Variants in VPS13C observed in about 807,000 individuals in gnomAD.
VPS13C encodes intermembrane lipid transfer protein VPS13C.
Under a neutral mutation model 456.8 loss-of-function variants are expected in VPS13C, and 358 were observed. The ratio of observed to expected loss-of-function variants is 0.78; its 90% CI spans 0.72 to 0.86. The LOEUF (loss-of-function observed/expected upper bound fraction) is 0.86. VPS13C is among the 40% of genes least tolerant of loss of function. The pLI is 0.00. For missense variants in VPS13C, 4,818 were observed against 4,385.4 expected (o/e 1.10, Z -2.79); for synonymous variants, 1,578 against 1,486.7 (o/e 1.06, Z -1.41).
intron 17 of VPS13C, among the ~76,000 whole-genome samples, 187 bp downstream of exon 17, chr15:61,991,486 T>C (rs2046221845): frequency 6.6e-6 from 1 of 152,214 alleles, no homozygotes; most frequent in Non-Finnish European, 1.5e-5. Context: ...CAATGTTTTA[T>C]TTTAGTCTAA....
chr15:61,931,149 A>C lies in VPS13C; in HGVS notation c.5979T>G (p.Val1993=). Residue 1993 remains valine (V), a synonymous_variant, in exon 50 of 85, where the codon GTT becomes GTG. Transcript: ENST00000644861. ...CATCAAGGGTGCATGTCTTAAGTTTAACGCTGACATTCATTGAGCCATCCT... is the reference window on the plus strand; with the variant it reads ...CATCAAGGGTGCATGTCTTAAGTTTCACGCTGACATTCATTGAGCCATCCT... ...MFKDGSMNVS[V]KLKTCTLDDL... is the part of the protein sequence containing the mutation. 1 of 1,614,178 alleles carries C rather than the reference A, an allele frequency of 6.2e-7. No individual in the cohort carries two copies. Among genetic ancestry groups the C allele is most frequent in the South Asian group, 1.1e-5 (1 of 91,086 alleles).
At position 61,978,762 on chromosome 15, in the gene VPS13C, AC is replaced by A; in HGVS notation, c.2167-14del. The A allele has an allele frequency of 6.4e-7, 1 of 1,570,980 alleles. No homozygotes were observed. Among genetic ancestry groups the A allele is most frequent in the Non-Finnish European group, 8.6e-7 (1 of 1,164,828 alleles). On this transcript the variant is annotated splice_polypyrimidine_tract_variant and intron_variant, in intron 22 of 84. Coordinates refer to ENST00000644861, the MANE Select transcript of VPS13C (RefSeq NM_020821.3). ...CTTTACTGTTGAGCTAAAATGAAGGACAAATTTCAATTTTTTTTTCCAAAAC... is the reference window on the plus strand; with the variant it reads ...CTTTACTGTTGAGCTAAAATGAAGGAAAATTTCAATTTTTTTTTCCAAAAC...
intron 28 of VPS13C, among the ~76,000 whole-genome samples, chr15:61,968,924 G>A (rs1853982281): frequency 6.6e-6 from 1 of 152,056 alleles, no homozygotes; most frequent in Non-Finnish European, 1.5e-5. Flanking sequence ...TTATAAAACA[G>A]GAATAATATT....
chr15:61,912,633 C>T lies in VPS13C; in HGVS notation c.8551-629G>A, dbSNP rs1460011373. Among the ~76,000 whole-genome samples the T allele has an allele frequency of 7.5e-5, 9 of 119,330 alleles. No homozygotes were observed. In the East Asian group the frequency reaches 2.1e-3, roughly 28 times the overall value. The allele number at this position is 119,330 out of a possible 152,430, so 78.3% of individuals were successfully genotyped here. ...TTCAAATTTCGGTACACTTTAGGAG[C>T]CAACTTGTTTTTTTTTTTTTAATTA... is the stretch of plus-strand genomic sequence containing the variant. On this transcript the variant is annotated intron_variant, in intron 62 of 84. Coordinates refer to ENST00000644861, the MANE Select transcript of VPS13C (RefSeq NM_020821.3).
intron 16 of VPS13C, among the ~76,000 whole-genome samples, chr15:61,993,882 G>A (rs918387016): frequency 6.6e-6 from 1 of 152,094 alleles, no homozygotes; most frequent in African/African-American, 2.4e-5. Flanking sequence ...TAAGCACTGG[G>A]AGAAACAGGT....
In VPS13C at chr15:61,858,332, AT is replaced by A. The variant is rs1894035946; in HGVS notation, c.10953-1924del. Among the ~76,000 whole-genome samples, 1 of 148,856 alleles carries A rather than the reference AT, an allele frequency of 6.7e-6. No individual in the cohort carries two copies. Among genetic ancestry groups the A allele is most frequent in the Non-Finnish European group, 1.5e-5 (1 of 67,808 alleles). ...CCAAACTCCAACTATCTATCTATCTATCTATCTATCTATCTATCTATCTATC... is the reference window on the plus strand; with the variant it reads ...CCAAACTCCAACTATCTATCTATCTACTATCTATCTATCTATCTATCTATC... On this transcript the variant is annotated intron_variant, in intron 82 of 84. Coordinates refer to ENST00000644861, the MANE Select transcript of VPS13C (RefSeq NM_020821.3). The surrounding 1 kb of genome is among the most constrained non-coding windows in gnomAD (Gnocchi z 4.4).
intron 52 of VPS13C, among the ~76,000 whole-genome samples, chr15:61,926,591 A>G (rs1322330015): frequency 6.6e-6 from 1 of 152,222 alleles, no homozygotes; most frequent in Non-Finnish European, 1.5e-5. Flanking sequence ...TGATTCTCTT[A>G]CCATAAAATT....
intron 66 of VPS13C, among the ~76,000 whole-genome samples, chr15:61,892,679 G>C (rs961529989): frequency 1.3e-5 from 2 of 152,188 alleles, no homozygotes; most frequent in African/African-American, 4.8e-5. Context: ...TGATAAGACA[G>C]CCACGTGTGA....
At chr15:62,020,570 TGC>T in intron 8 of VPS13C, 32 bp from the exon 9 acceptor site, 2 of 1,604,888 alleles carry the variant, frequency 1.2e-6, no homozygotes, top group Non-Finnish European at 1.7e-6. Context: ...CAGTAAAATA[TGC>T]TGATGGTGAA....
intron 77 of VPS13C, 61 bp from the exon 78 acceptor site, chr15:61,873,470 G>A: frequency 6.8e-7 from 1 of 1,467,568 alleles, no homozygotes; most frequent in South Asian, 1.3e-5. Context: ...GAACTCAACA[G>A]CAAGAAAACA....
intron 60 of VPS13C, 101 bp downstream of exon 60, chr15:61,917,240 T>A: frequency 8.2e-7 from 1 of 1,214,010 alleles, no homozygotes; most frequent in Non-Finnish European, 1.1e-6. Context: ...ACATTACACA[T>A]ACGCTATATA....
intron 52 of VPS13C, among the ~76,000 whole-genome samples, 162 bp from the exon 53 acceptor site, chr15:61,925,710 A>C (rs1044605756): frequency 1.3e-5 from 2 of 152,246 alleles, no homozygotes; most frequent in Non-Finnish European, 2.9e-5. Context: ...TCTGTTGTGA[A>C]GACTCTTCTG....
At chr15:62,033,805 G>A (rs1416858702) in intron 4 of VPS13C, among the ~76,000 whole-genome samples, 1 of 151,320 alleles carries the variant, frequency 6.6e-6, no homozygotes, top group African/African-American at 2.4e-5. Context: ...AGGAGGGTGA[G>A]AACAAAGATA....
rs374506807 is a variant in VPS13C at position 61,922,386 on chromosome 15, T to C, written c.6975+11A>G. ...AGAAGTCTCTGAAGGTATTAAGTGA[T>C]GTGGCCATACCTGTAGTGTCACGTC... On this transcript the variant is annotated intron_variant, in intron 54 of 84. Coordinates refer to ENST00000644861, the MANE Select transcript of VPS13C (RefSeq NM_020821.3). The C allele has an allele frequency of 1.2e-5, 19 of 1,601,546 alleles. No homozygotes were observed. The highest frequency in any genetic ancestry group is 1.5e-5 in the Non-Finnish European group (18 of 1,174,998).
At chr15:61,877,963 C>T (rs891511344) in intron 74 of VPS13C, among the ~76,000 whole-genome samples, 1 of 150,858 alleles carries the variant, frequency 6.6e-6, no homozygotes, top group Admixed American at 6.6e-5. Flanking sequence ...TTTTCCCAGG[C>T]TTTTGTTTTT....
intron 23 of VPS13C, 31 bp downstream of exon 23, chr15:61,978,595 C>T: frequency 1.2e-6 from 2 of 1,601,104 alleles, no homozygotes; most frequent in Non-Finnish European, 1.7e-6. Flanking sequence ...CATCATAATC[C>T]CAAGATCCTA....
Position 61,919,299 on chromosome 15 carries a change from G to C in VPS13C, c.7628C>G (p.Ser2543Cys). The C allele has an allele frequency of 5.6e-6, 9 of 1,597,438 alleles. No individual in the cohort carries two copies. Among genetic ancestry groups the C allele is most frequent in the Non-Finnish European group, 6.8e-6 (8 of 1,173,118 alleles). ...TEGNKVITLR[S>C]PLQIKNHFSI... Reference sequence around the variant, plus strand: ...ACTTTGAAGTATTACCTGTAGAGGAGAGCGAAGGGTAATTACTTTATTCCC... The same window carrying C: ...ACTTTGAAGTATTACCTGTAGAGGACAGCGAAGGGTAATTACTTTATTCCC... The change falls in exon 58 of 85, where the codon TCT (serine) becomes TGT (cysteine). Residue 2543 changes from serine to cysteine, a missense_variant. Ser to Cys is a moderately radical substitution (Grantham distance 112). Coordinates refer to ENST00000644861, the MANE Select transcript of VPS13C (RefSeq NM_020821.3).
intron 67 of VPS13C, 33 bp from the exon 68 acceptor site, chr15:61,884,302 A>T: frequency 6.2e-7 from 1 of 1,601,204 alleles, no homozygotes; most frequent in Non-Finnish European, 8.5e-7. Flanking sequence ...TTAAATTAGC[A>T]ATATGTATTT....
chr15:61,917,350 A>G lies in VPS13C; in HGVS notation c.8046T>C (p.Tyr2682=), dbSNP rs764959936. 2 of 1,611,822 alleles carry G rather than the reference A, an allele frequency of 1.2e-6. No individual in the cohort carries two copies. Among genetic ancestry groups the G allele is most frequent in the Admixed American group, 1.7e-5 (1 of 59,958 alleles). The change falls in exon 60 of 85, where the codon TAT becomes TAC. Residue 2682 remains tyrosine, a synonymous_variant. Coordinates refer to ENST00000644861, the MANE Select transcript of VPS13C (RefSeq NM_020821.3). ...AATGCAAGAGACATACCTCAAGTAA[A>G]TATCTTAGGGAATATGGGAGAAGAT... ...LRNLLPYSLR[Y]LLEGTAETHE... is the part of the protein sequence containing the mutation.
Sources: allele counts gnomAD v4.1 joint callset (sites outside exome capture counted in the v4.1 genomes callset), GRCh38; gene constraint gnomAD v4.1.1; non-coding constraint Gnocchi (gnomAD v3.1); transcripts MANE v1.5; gene names NCBI Gene and HGNC (gene_info 2026-07-23, HGNC 2026-07-21).